The following STRIP2 variants were observed in gnomAD, a reference collection of about 807,000 sequenced individuals.
The protein encoded by STRIP2 is striatin-interacting protein 2.
STRIP2 carries 84 observed loss-of-function variants against 107.1 expected under a neutral mutation model. The observed-to-expected ratio is 0.78, with a 90% CI of 0.66 to 0.94. The LOEUF is 0.94. Among genes scored for constraint, STRIP2 ranks in the 40% least tolerant of loss-of-function variants. The pLI is 0.00. For missense variants in STRIP2, 888 were observed against 1,034.2 expected, an observed-to-expected ratio of 0.86 and a Z score of 1.94; for synonymous variants, 394 against 400.4, an observed-to-expected ratio of 0.98 and a Z score of 0.19.
rs748044230 is a variant in STRIP2 at position 129,485,710 on chromosome 7, A to G, written c.2386A>G (p.Ser796Gly). 1.9e-6 allele frequency: 3 copies of G among 1,614,130 alleles called. No individual in the cohort carries two copies. The East Asian group carries it at 6.7e-5, about 36-fold the overall frequency. The change falls in exon 21 of 21, where the codon AGC becomes GGC. Residue 796 changes from serine to glycine, a missense_variant. By Grantham distance (56) the Ser-to-Gly change is moderately conservative (BLOSUM62 0). Coordinates refer to ENST00000249344, the MANE Select transcript of STRIP2 (RefSeq NM_020704.3). Reference protein sequence around the residue: ...EFSPVDNCLQSVLGQRLDLPE... With the variant: ...EFSPVDNCLQGVLGQRLDLPE... ...TTCACCTGTGGATAACTGCTTGCAG[A>G]GCGTACTGGGGCAGAGGTTGGATCT...
chr7:129,434,579 G>A lies in STRIP2; in HGVS notation c.107G>A (p.Arg36Gln), dbSNP rs1797676462. The change falls in exon 1 of 21, where the codon CGA becomes CAA. Residue 36 changes from arginine (R) to glutamine (Q), a missense_variant. Arg to Gln is a conservative substitution (Grantham distance 43). Transcript: ENST00000249344. ...QAAPKGREAF[R>Q]SQRRESEGSV... is the part of the protein sequence containing the mutation. ...GCGCCCAAGGGCCGCGAAGCGTTCCGAAGCCAGCGGCGGGAGTCAGAGGTG... is the reference window on the plus strand; with the variant it reads ...GCGCCCAAGGGCCGCGAAGCGTTCCAAAGCCAGCGGCGGGAGTCAGAGGTG... 2 of 1,514,458 alleles carry A rather than the reference G, an allele frequency of 1.3e-6. No homozygotes were observed. Among genetic ancestry groups the A allele is most frequent in the South Asian group, 2.4e-5 (2 of 82,004 alleles). The allele number at this position is 1,514,458 out of a possible 1,614,324, so 93.8% of individuals were successfully genotyped here. A position where few individuals can be genotyped will look rare whatever the true frequency, so the allele number is the denominator to read the frequency against.
Position 129,483,157 on chromosome 7 carries a change from A to G in STRIP2, c.2254+111A>G. The G allele has an allele frequency of 6.8e-7, 1 of 1,475,578 alleles. No homozygotes were observed. Among genetic ancestry groups the G allele is most frequent in the Non-Finnish European group, 9.0e-7 (1 of 1,112,892 alleles). 91.4% of individuals were successfully genotyped at this position (1,475,578 alleles called of 1,614,324 possible). On this transcript the variant is annotated intron_variant, in intron 20 of 20. Coordinates refer to ENST00000249344, the MANE Select transcript of STRIP2 (RefSeq NM_020704.3). This position sits in a 1 kb window ranked among gnomAD's most constrained non-coding sequence, Gnocchi z 5.1. ...ATGAATTGTTACATATTTTAGATGA[A>G]AAAATATGTGATTATAGGTCAGGCG...
intron 18 of STRIP2, among the ~76,000 whole-genome samples, chr7:129,476,037 C>A (rs980750010): frequency 6.6e-6 from 1 of 152,124 alleles, no homozygotes; most frequent in Non-Finnish European, 1.5e-5. Context: ...TTGGACAAAA[C>A]CGCCATCGTC....
chr7:129,463,887 G>A (rs1008474142), intron 14 of STRIP2, among the ~76,000 whole-genome samples, 157 bp from the exon 15 acceptor site: 2 of 152,212 alleles, frequency 1.3e-5, no homozygotes, highest in Non-Finnish European at 2.9e-5. Context: ...CTGGGCACCT[G>A]TTTGCTTTTC....
chr7:129,484,802 TG>T (rs1799206056), intron 20 of STRIP2: 1 of 152,214 alleles, frequency 6.6e-6, no homozygotes, highest in Non-Finnish European at 1.5e-5. Context: ...ATCCTGCAAA[TG>T]GCACATCTGT....
chr7:129,479,996 C>G (rs1799077213), intron 18 of STRIP2, among the ~76,000 whole-genome samples: 1 of 152,144 alleles, frequency 6.6e-6, no homozygotes, highest in Non-Finnish European at 1.5e-5. Context: ...TCATCTACTC[C>G]TACATTCTCC....
chr7:129,464,357 T>C (rs1280320543), intron 15 of STRIP2, among the ~76,000 whole-genome samples: 1 of 152,010 alleles, frequency 6.6e-6, no homozygotes. Context: ...TGCCAGCGAC[T>C]GGCTGCCCAG....
Position 129,483,238 on chromosome 7 carries a change from A to G in STRIP2, c.2254+192A>G, listed in dbSNP as rs1179502607. ...AAATTCTAGTATGTACCCTTGTCCT[A>G]TGTAAACTATGAAAATCCGTTTTAT... is the stretch of plus-strand genomic sequence containing the variant. On this transcript the variant is annotated intron_variant, in intron 20 of 20. Coordinates refer to ENST00000249344, the MANE Select transcript of STRIP2 (RefSeq NM_020704.3). This position sits in a 1 kb window ranked among gnomAD's most constrained non-coding sequence, Gnocchi z 5.1. 3 of 1,281,056 alleles carry G rather than the reference A, an allele frequency of 2.3e-6. No individual in the cohort carries two copies. Among genetic ancestry groups the G allele is most frequent in the South Asian group, 3.2e-5 (1 of 30,872 alleles). The allele number at this position is 1,281,056 out of a possible 1,614,324, so 79.4% of individuals were successfully genotyped here. A position where few individuals can be genotyped will look rare whatever the true frequency, so the allele number is the denominator to read the frequency against.
At chr7:129,456,141 C>CTTTTTTTTTT (rs775446984) in intron 8 of STRIP2, among the ~76,000 whole-genome samples, 2 of 81,008 alleles carry the variant, frequency 2.5e-5, no homozygotes, top group East Asian at 4.4e-4. Context: ...TCGATAGTTT[C>CTTTTTTTTTT]TTTTTTTTCT....
At chr7:129,457,993 T>C in intron 9 of STRIP2, 1 of 582,240 alleles carries the variant, frequency 1.7e-6, no homozygotes. Flanking sequence ...TTATCTATGC[T>C]ATGTTCCCTG....
rs1303430877 is a variant in STRIP2 at position 129,483,505 on chromosome 7, T to A, written c.2254+459T>A. The A allele has an allele frequency of 5.0e-6, 1 of 201,934 alleles. No individual in the cohort carries two copies. Among genetic ancestry groups the A allele is most frequent in the East Asian group, 1.8e-4 (1 of 5,500 alleles). The allele number at this position is 201,934 out of a possible 1,614,324, so 12.5% of individuals were successfully genotyped here. On this transcript the variant is annotated intron_variant, in intron 20 of 20. Transcript: ENST00000249344. The surrounding 1 kb of genome is among the most constrained non-coding windows in gnomAD (Gnocchi z 5.1). Reference sequence around the variant, plus strand: ...TCCTCCAGATCTTTTTCTATGCATATACATGCATATTTTATCAAAATGAAA... The same window carrying A: ...TCCTCCAGATCTTTTTCTATGCATAAACATGCATATTTTATCAAAATGAAA...
intron 3 of STRIP2, among the ~76,000 whole-genome samples, chr7:129,449,913 T>C (rs1488510776): frequency 6.6e-6 from 1 of 152,226 alleles, no homozygotes; most frequent in African/African-American, 2.4e-5. Flanking sequence ...TTCATCACTT[T>C]GTCCACTGAA....
In STRIP2 at chr7:129,461,220, T is replaced by A. The variant is rs986618224; in HGVS notation, c.1476+848T>A. 1.3e-5 allele frequency among the ~76,000 whole-genome samples: 2 copies of A among 152,188 alleles called. No homozygotes were observed. ...AGGATGTGGGGGGAATATCAAGAGT[T>A]CTGTTTTGGTCATACTAAGTTTTAG... is the stretch of plus-strand genomic sequence containing the variant. On this transcript the variant is annotated intron_variant, in intron 13 of 20. Coordinates refer to ENST00000249344, the MANE Select transcript of STRIP2 (RefSeq NM_020704.3). The surrounding 1 kb of genome is among the most constrained non-coding windows in gnomAD (Gnocchi z 4.0).
At chr7:129,442,970 A>G (rs1166341007) in intron 2 of STRIP2, among the ~76,000 whole-genome samples, 1 of 151,942 alleles carries the variant, frequency 6.6e-6, no homozygotes, top group Non-Finnish European at 1.5e-5. Flanking sequence ...AGATGAGGGT[A>G]CATATACAAT....
chr7:129,446,395 C>T (rs943050290), intron 3 of STRIP2, among the ~76,000 whole-genome samples: 2 of 152,174 alleles, frequency 1.3e-5, no homozygotes, highest in Admixed American at 1.3e-4. Context: ...CTTCCAAGTC[C>T]CTGACCATCC....
chr7:129,482,033 G>A (rs35131522), intron 19 of STRIP2, among the ~76,000 whole-genome samples: 47,060 of 151,632 alleles, frequency 0.31, 8,493 homozygotes, highest in East Asian at 0.6. Context: ...GGTGGCGGGC[G>A]CCTCTACTCA....
At chr7:129,460,448 A>G in intron 13 of STRIP2, 76 bp downstream of exon 13, 1 of 1,212,732 alleles carries the variant, frequency 8.2e-7, no homozygotes, top group South Asian at 1.3e-5. Flanking sequence ...GCATGTGTGC[A>G]TGCATTCATT....
chr7:129,453,277 T>A lies in STRIP2; in HGVS notation c.460T>A (p.Tyr154Asn). ...SEVDVLHWSR[Y>N]NCFLLYQMGT... ...GGTCGATGTGCTACACTGGTCCAGG[T>A]ACAACTGCTTCCTGCTGTATCAGAT... Residue 154 changes from tyrosine (Y) to asparagine (N), a missense_variant, in exon 5 of 21, where the codon TAC (tyrosine) becomes AAC (asparagine). Transcript: ENST00000249344. 1 of 1,614,182 alleles carries A rather than the reference T, an allele frequency of 6.2e-7. No individual in the cohort carries two copies. Among genetic ancestry groups the A allele is most frequent in the Non-Finnish European group, 8.5e-7 (1 of 1,180,032 alleles).
At chr7:129,477,486 C>G (rs1431358037) in intron 18 of STRIP2, among the ~76,000 whole-genome samples, 1 of 152,056 alleles carries the variant, frequency 6.6e-6, no homozygotes, top group African/African-American at 2.4e-5. Flanking sequence ...AGATTAGAAT[C>G]TCCAGGATGA....
Sources: allele counts gnomAD v4.1 joint callset (sites outside exome capture counted in the v4.1 genomes callset), GRCh38; gene constraint gnomAD v4.1.1; non-coding constraint Gnocchi (gnomAD v3.1); transcripts MANE v1.5; gene names NCBI Gene and HGNC (gene_info 2026-07-23, HGNC 2026-07-21).